The following PCNX2 variants were observed in gnomAD, a reference collection of about 807,000 sequenced individuals.
The protein encoded by PCNX2 is pecanex-like protein 2.
Under a neutral mutation model 223.8 loss-of-function variants are expected in PCNX2, and 168 were observed. The ratio of observed to expected loss-of-function variants is 0.75; its 90% CI spans 0.66 to 0.85. The LOEUF is 0.85. Ranked by LOEUF, PCNX2 falls within the 40% of genes least tolerant of loss-of-function variation. PCNX2 has a pLI of 0.00. For missense variants in PCNX2, 2,507 were observed against 2,675.5 expected, an observed-to-expected ratio of 0.94 and a Z score of 1.39; for synonymous variants, 1,006 against 1,052.6, an observed-to-expected ratio of 0.96 and a Z score of 0.86.
upstream of PCNX2, among the ~76,000 whole-genome samples, chr1:233,296,567 A>C (rs1662138276): frequency 6.6e-6 from 1 of 152,170 alleles, no homozygotes; most frequent in African/African-American, 2.4e-5. Context: ...TTCTCTTTTG[A>C]GAGTGGGTTT....
intron 22 of PCNX2, chr1:233,095,467 G>C: frequency 5.1e-6 from 2 of 395,002 alleles, no homozygotes; most frequent in Non-Finnish European, 9.2e-6. Flanking sequence ...CATTTAAGCA[G>C]TTTAAAAGAC....
intron 25 of PCNX2, among the ~76,000 whole-genome samples, chr1:233,052,589 G>A (rs1349235204): frequency 1.3e-5 from 2 of 152,142 alleles, no homozygotes; most frequent in Admixed American, 6.5e-5. Flanking sequence ...GCAGGACACT[G>A]TCATAACATT....
At chr1:233,151,523 A>G (rs1677807313) in intron 19 of PCNX2, among the ~76,000 whole-genome samples, 1 of 152,158 alleles carries the variant, frequency 6.6e-6, no homozygotes, top group Non-Finnish European at 1.5e-5. Context: ...CTGACCATTC[A>G]TTTTAGCTCC....
intron 13 of PCNX2, among the ~76,000 whole-genome samples, chr1:233,206,779 G>A (rs915079205): frequency 2.6e-5 from 4 of 152,146 alleles, no homozygotes; most frequent in Non-Finnish European, 5.9e-5. Context: ...CAGCACTTTG[G>A]GAGGCTGAGG....
chr1:233,025,461 C>A (rs964443520), intron 25 of PCNX2, 62 bp from the exon 26 acceptor site: 1 of 1,581,656 alleles, frequency 6.3e-7, no homozygotes, highest in Admixed American at 1.7e-5. Flanking sequence ...TTTGCTTCAA[C>A]GGATTTCCCC....
chr1:233,226,303 CTTG>C (rs746279254), intron 10 of PCNX2, among the ~76,000 whole-genome samples: 3 of 152,058 alleles, frequency 2.0e-5, no homozygotes, highest in Non-Finnish European at 4.4e-5. Context: ...AAGTTTTGCT[CTTG>C]TTGTGCAGGC....
intron 17 of PCNX2, among the ~76,000 whole-genome samples, chr1:233,168,412 T>C (rs1377090954): frequency 6.6e-6 from 1 of 152,108 alleles, no homozygotes; most frequent in Non-Finnish European, 1.5e-5. Context: ...AATCTTAGTG[T>C]GCAAATAATT....
chr1:233,310,345 T>C, the PCNX2 span, among the ~76,000 whole-genome samples: 1 of 152,118 alleles, frequency 6.6e-6, no homozygotes, highest in African/African-American at 2.4e-5. Flanking sequence ...TCAGTACCAA[T>C]AGGATCCAAA....
intron 21 of PCNX2, among the ~76,000 whole-genome samples, chr1:233,129,538 T>G (rs1571931101): frequency 6.6e-6 from 1 of 152,240 alleles, no homozygotes; most frequent in African/African-American, 2.4e-5. Flanking sequence ...CAGCTCCACC[T>G]GCGGCCTCAG....
chr1:233,218,603 G>A (rs1657172971), intron 10 of PCNX2, among the ~76,000 whole-genome samples: 2 of 152,208 alleles, frequency 1.3e-5, no homozygotes, highest in African/African-American at 4.8e-5. Flanking sequence ...AATGAACCAT[G>A]ACAACACAGT....
chr1:233,034,270 G>A (rs1671370588), intron 25 of PCNX2, among the ~76,000 whole-genome samples: 1 of 152,128 alleles, frequency 6.6e-6, no homozygotes. Context: ...TGGGTTATGA[G>A]GGTGCGGCCC....
At position 233,157,800 on chromosome 1, in the gene PCNX2, T is replaced by C. The variant is rs772059893; in HGVS notation, c.3517+2483A>G. On this transcript the variant is annotated intron_variant, in intron 19 of 33. Coordinates refer to ENST00000258229, the MANE Select transcript of PCNX2 (RefSeq NM_014801.4). The stretch of plus-strand genomic sequence containing the variant: ...AAATTTTGTGTCTGTGGGTTTTCCT[T>C]CTAATACACCTAATTTTGAAATGGA... Among the ~76,000 whole-genome samples the C allele has an allele frequency of 1.4e-4, 21 of 152,166 alleles. 1 individual carries two copies. The highest frequency in any genetic ancestry group is 1.0e-4 in the Non-Finnish European group (7 of 68,028).
chr1:233,032,110 T>C, intron 25 of PCNX2: 1 of 919,600 alleles, frequency 1.1e-6, no homozygotes, highest in Non-Finnish European at 1.3e-6. Context: ...TTTCTTTCTT[T>C]CTTTTTTTTG....
At chr1:233,177,973 G>A in intron 16 of PCNX2, 75 bp from the exon 17 acceptor site, 1 of 1,135,032 alleles carries the variant, frequency 8.8e-7, no homozygotes, top group Non-Finnish European at 1.3e-6. Context: ...CTTCACCTTA[G>A]ATCTCACACC....
chr1:233,231,477 G>C lies in PCNX2; in HGVS notation c.2359-4106C>G, dbSNP rs538285114. 3 of 212,070 alleles carry C rather than the reference G, an allele frequency of 1.4e-5. No individual in the cohort carries two copies. The South Asian group carries it at 5.0e-4, about 35-fold the overall frequency. The allele number at this position is 212,070 out of a possible 1,614,324, so 13.1% of individuals were successfully genotyped here. On this transcript the variant is annotated intron_variant, in intron 9 of 33. Transcript: ENST00000258229. ...AGATAATAGGCCCTGTTATGTGAAA[G>C]AGAGTAAGTGATCAGCTCTATAGAA...
At chr1:233,266,427 C>T (rs752999501) in intron 1 of PCNX2, among the ~76,000 whole-genome samples, 11 of 152,134 alleles carry the variant, frequency 7.2e-5, no homozygotes, top group Non-Finnish European at 1.2e-4. Flanking sequence ...TCCTTTCTTA[C>T]GCCATGCAAT....
chr1:233,215,245 C>T (rs567613929), intron 12 of PCNX2, among the ~76,000 whole-genome samples: 4 of 152,178 alleles, frequency 2.6e-5, no homozygotes, highest in Non-Finnish European at 5.9e-5. Context: ...AGTCAGATTG[C>T]AACAAGAAAT....
At chr1:233,124,699 G>C (rs558347408) in intron 21 of PCNX2, among the ~76,000 whole-genome samples, 2 of 152,296 alleles carry the variant, frequency 1.3e-5, no homozygotes, top group African/African-American at 4.8e-5. Context: ...AAGTGTCAAC[G>C]CTTGCATTTT....
chr1:233,326,778 C>T, the PCNX2 span, among the ~76,000 whole-genome samples: 1 of 152,206 alleles, frequency 6.6e-6, no homozygotes, highest in East Asian at 1.9e-4. Context: ...ATTTTAATAA[C>T]TAAGCTCTTC....
Sources: gnomAD v4.1 joint callset for allele counts (sites outside exome capture counted in the v4.1 genomes callset) on GRCh38, gnomAD v4.1.1 for gene constraint, MANE v1.5 for transcripts, NCBI Gene and HGNC (gene_info 2026-07-23, HGNC 2026-07-21) for gene names.